VPS13D: variants seen among roughly 807,000 people sequenced by gnomAD.
VPS13D encodes the protein intermembrane lipid transfer protein VPS13D.
Under a neutral mutation model 461.9 loss-of-function variants are expected in VPS13D, and 187 were observed. The observed-to-expected ratio is 0.40, with a 90% CI of 0.36 to 0.46. The LOEUF is 0.46. Ranked by LOEUF, VPS13D falls within the 20% of genes least tolerant of loss-of-function variation. VPS13D has a pLI of 0.60. For missense variants in VPS13D, 4,711 were observed against 5,364.9 expected (o/e 0.88, Z 3.81); for synonymous variants, 1,951 against 1,986.3 (o/e 0.98, Z 0.47).
chr1:12,293,784 G>T, intron 24 of VPS13D, 80 bp downstream of exon 24: 1 of 1,409,020 alleles, frequency 7.1e-7, no homozygotes. Context: ...GATGAATCTG[G>T]AAGAGTAAAG....
At chr1:12,313,036 T>C (rs1182013591) in intron 29 of VPS13D, among the ~76,000 whole-genome samples, 3 of 152,212 alleles carry the variant, frequency 2.0e-5, no homozygotes, top group Non-Finnish European at 4.4e-5. Flanking sequence ...TGATCTCTTA[T>C]CAGTCCTGTA....
At chr1:12,491,316 A>G (rs1570275968) in intron 67 of VPS13D, among the ~76,000 whole-genome samples, 1 of 152,378 alleles carries the variant, frequency 6.6e-6, no homozygotes, top group East Asian at 1.9e-4. Context: ...TTTGAACATC[A>G]CTTGGCTGAT....
intron 65 of VPS13D, chr1:12,453,975 A>C (rs1645294794): frequency 6.6e-6 from 1 of 152,188 alleles, no homozygotes; most frequent in South Asian, 2.1e-4. Flanking sequence ...TTATTATGTT[A>C]AACTATAGTG....
Position 12,299,276 on chromosome 1 carries a change from A to G in VPS13D, c.6108A>G (p.Pro2036=), listed in dbSNP as rs748009654. Residue 2036 remains proline (P), a synonymous_variant, in exon 25 of 70, where the codon CCA becomes CCG. Coordinates refer to ENST00000620676, the MANE Select transcript of VPS13D (RefSeq NM_015378.4). The surrounding 1 kb of genome is among the most constrained non-coding windows in gnomAD (Gnocchi z 4.2). ...CTGGTGCTCCCGTTCTCTTGATCCC[A>G]GAAAGTTCCAGATCAAATAATCTGA... is the stretch of plus-strand genomic sequence containing the variant. ...IEAGAPVLLI[P]ESSRSNNLIV... The G allele has an allele frequency of 9.9e-6, 16 of 1,613,952 alleles. No homozygotes were observed. The highest frequency in any genetic ancestry group is 1.7e-4 in the Middle Eastern group (1 of 6,060).
In VPS13D at chr1:12,329,910, C is replaced by A. The variant is rs1643286541; in HGVS notation, c.8279C>A (p.Ala2760Asp). 6.2e-7 allele frequency: 1 copy of A among 1,611,480 alleles called. No individual in the cohort carries two copies. The highest frequency in any genetic ancestry group is 8.5e-7 in the Non-Finnish European group (1 of 1,178,508). The change falls in exon 37 of 70, where the codon GCT (alanine) becomes GAT (aspartate). Residue 2760 changes from alanine to aspartate, a missense_variant. Ala to Asp is a moderately radical substitution (Grantham distance 126). Around this residue, in one of 3 missense-constraint regions of VPS13D, gnomAD observed 4,411 missense variants for 4,937.8 expected, o/e 0.89. Transcript: ENST00000620676. ...FTLSGDYYNR[A>D]LSGWEPFIEP... is the part of the protein sequence containing the mutation. Reference sequence around the variant, plus strand: ...CTTTCTGGAGATTATTATAACCGTGCTCTTTCAGGTCAGTATAAAGCATAT... The same window carrying A: ...CTTTCTGGAGATTATTATAACCGTGATCTTTCAGGTCAGTATAAAGCATAT...
rs77527216 is a variant in VPS13D, at chr1:12,336,295, A to G, written c.8551+468A>G. 5.3e-5 allele frequency: 9 copies of G among 168,276 alleles called. No individual in the cohort carries two copies. In the East Asian group the frequency reaches 1.5e-3, roughly 29 times the overall value. 10.4% of individuals were successfully genotyped at this position (168,276 alleles called of 1,614,324 possible). A position where few individuals can be genotyped will look rare whatever the true frequency, so the allele number is the denominator to read the frequency against. Reference sequence around the variant, plus strand: ...AGCCCATGTGGAAAAAGTTGTTAAAAAGGGAGCCCTGTGCTGTTCATAGAG... The same window carrying G: ...AGCCCATGTGGAAAAAGTTGTTAAAGAGGGAGCCCTGTGCTGTTCATAGAG... On this transcript the variant is annotated intron_variant, in intron 39 of 69. Coordinates refer to ENST00000620676, the MANE Select transcript of VPS13D (RefSeq NM_015378.4).
intron 22 of VPS13D, among the ~76,000 whole-genome samples, chr1:12,289,683 G>A (rs1642069910): frequency 6.6e-6 from 1 of 151,882 alleles, no homozygotes; most frequent in Non-Finnish European, 1.5e-5. Flanking sequence ...GCTGGGCACG[G>A]TGGCTCACGC....
chr1:12,411,617 G>A (rs556712246), intron 63 of VPS13D, among the ~76,000 whole-genome samples: 5 of 152,206 alleles, frequency 3.3e-5, no homozygotes, highest in South Asian at 4.1e-4. Flanking sequence ...AACAAATGAC[G>A]CCAAATTGCA....
At chr1:12,383,275 A>C in intron 58 of VPS13D, 120 bp downstream of exon 58, 2 of 1,054,948 alleles carry the variant, frequency 1.9e-6, no homozygotes, top group Admixed American at 6.4e-5. Context: ...TGGTATCTTC[A>C]TCTGTAAAAT....
chr1:12,469,603 A>G (rs1247468673), intron 67 of VPS13D, among the ~76,000 whole-genome samples: 2 of 152,244 alleles, frequency 1.3e-5, no homozygotes, highest in African/African-American at 4.8e-5. Flanking sequence ...CATATCGGCA[A>G]TGATGGGCTA....
At position 12,256,446 on chromosome 1, in the gene VPS13D, C is replaced by T; in HGVS notation, c.783C>T (p.His261=). ...CCAAGAAGCCCCTGCGGTCTCGGCA[C>T]AGTCCCCGTATTGATTGTGATATTC... The part of the protein sequence containing the change: ...NCSKKPLRSR[H]SPRIDCDIQL... Residue 261 remains histidine, a synonymous_variant, in exon 8 of 70, where the codon CAC becomes CAT. Coordinates refer to ENST00000620676, the MANE Select transcript of VPS13D (RefSeq NM_015378.4). 4.3e-6 allele frequency: 7 copies of T among 1,614,198 alleles called. No individual in the cohort carries two copies. The highest frequency in any genetic ancestry group is 1.6e-4 in the Middle Eastern group (1 of 6,062).
At chr1:12,425,562 TAAAA>T (rs79970313) in intron 65 of VPS13D, among the ~76,000 whole-genome samples, 1 of 142,650 alleles carries the variant, frequency 7.0e-6, no homozygotes, top group Admixed American at 7.1e-5. Context: ...GTTTCTGTCT[TAAAA>T]AAAAAAAAAA....
In VPS13D at chr1:12,356,564, A is replaced by G. The variant is rs916490404; in HGVS notation, c.9998+40A>G. On this transcript the variant is annotated intron_variant, in intron 49 of 69. Transcript: ENST00000620676. ...TTATGGGAAGGGGAAATAAGCTCCC[A>G]GGGAAGGGAAGAAATTAGTAAAGGC... 4 of 1,600,498 alleles carry G rather than the reference A, an allele frequency of 2.5e-6. No homozygotes were observed. The African/African-American group carries it at 4.0e-5, about 16-fold the overall frequency.
At position 12,474,624 on chromosome 1, in the gene VPS13D, A is replaced by C. The variant is rs532001372; in HGVS notation, c.12662+14228A>C. On this transcript the variant is annotated intron_variant, in intron 67 of 69. Transcript: ENST00000620676. ...TATTTCACGATTTCTGCATAATGAA[A>C]ATACAAGATCGATAACTGTGGATTA... 2.2e-4 allele frequency among the ~76,000 whole-genome samples: 33 copies of C among 152,368 alleles called. 1 individual carries two copies. In the South Asian group the frequency reaches 6.4e-3, roughly 30 times the overall value.
At chr1:12,404,069 GC>G in intron 63 of VPS13D, 96 bp downstream of exon 63, 4 of 1,077,380 alleles carry the variant, frequency 3.7e-6, no homozygotes, top group Non-Finnish European at 4.9e-6. Context: ...GTGTGTGTGT[GC>G]TTTTTTTTTT....
intron 67 of VPS13D, among the ~76,000 whole-genome samples, chr1:12,474,109 T>C (rs1042876932): frequency 6.6e-6 from 1 of 152,152 alleles, no homozygotes; most frequent in South Asian, 2.1e-4. Context: ...GTAAAAGTTA[T>C]GTAGCAAATG....
chr1:12,345,780 A>G lies in VPS13D; in HGVS notation c.9021+271A>G, dbSNP rs547653100. Among the ~76,000 whole-genome samples the G allele has an allele frequency of 2.6e-5, 4 of 152,330 alleles. No individual in the cohort carries two copies. In the South Asian group the frequency reaches 8.3e-4, roughly 32 times the overall value. On this transcript the variant is annotated intron_variant, in intron 43 of 69. Coordinates refer to ENST00000620676, the MANE Select transcript of VPS13D (RefSeq NM_015378.4). ...TGCTAGCTGGCCTGACTGGCAGTTT[A>G]CTAGTCTGCTGAACCTGAGTCTTGT...
At chr1:12,380,985 C>G (rs940089507) in intron 57 of VPS13D, among the ~76,000 whole-genome samples, 2 of 152,182 alleles carry the variant, frequency 1.3e-5, no homozygotes, top group South Asian at 4.1e-4. Context: ...GACTTCACTT[C>G]TAGTTTGTTT....
In VPS13D at chr1:12,242,515, G is replaced by T; in HGVS notation, c.100G>T (p.Ala34Ser). The T allele has an allele frequency of 6.2e-7, 1 of 1,613,514 alleles. No individual in the cohort carries two copies. Among genetic ancestry groups the T allele is most frequent in the Non-Finnish European group, 8.5e-7 (1 of 1,179,484 alleles). The change falls in exon 3 of 70, where the codon GCT (alanine) becomes TCT (serine). Residue 34 changes from alanine to serine, a missense_variant and splice_region_variant. Physicochemically the swap from Ala to Ser is moderately conservative, Grantham distance 99. Coordinates refer to ENST00000620676, the MANE Select transcript of VPS13D (RefSeq NM_015378.4). ...CATGATGCTGTTTTTATTTTTAGGT[G>T]CTGTTGAATTAGAAAACTTGCCATT... The part of the protein sequence containing the change: ...DQLSVALLKG[A>S]VELENLPLKK...
Sources: gnomAD v4.1 joint callset for allele counts (sites outside exome capture counted in the v4.1 genomes callset) on GRCh38, gnomAD v4.1.1 for gene constraint, gnomAD v4.1.1 regional missense constraint, Gnocchi (gnomAD v3.1) non-coding constraint, MANE v1.5 for transcripts, NCBI Gene and HGNC (gene_info 2026-07-23, HGNC 2026-07-21) for gene names.